The following BEGAIN variants were observed in gnomAD, a reference collection of about 807,000 sequenced individuals.
The protein encoded by BEGAIN is brain enriched guanylate kinase associated, also known as brain-enriched guanylate kinase-associated protein.
Under a neutral mutation model 35.8 loss-of-function variants are expected in BEGAIN, and 19 were observed. That is an observed-to-expected ratio of 0.53 (90% CI 0.37 to 0.78). The LOEUF is 0.78. Among genes scored for constraint, BEGAIN ranks in the 30% least tolerant of loss-of-function variants. BEGAIN has a pLI of 0.00. For missense variants in BEGAIN, 795 were observed against 853.6 expected (o/e 0.93, Z 0.85); for synonymous variants, 462 against 388.6 (o/e 1.19, Z -2.22).
Position 100,577,418 on chromosome 14 carries a change from C to A in BEGAIN, c.43-9479G>T. On this transcript the variant is annotated intron_variant, in intron 1 of 6. Coordinates refer to ENST00000554140, the MANE Select transcript of BEGAIN (RefSeq NM_001385089.1). ...TGGCCTGGCCCCACTCTGCTTGCAG[C>A]CTCAGTGGCCGCCTCCGAAGAAAGC... 10 of 399,418 alleles carry A rather than the reference C, an allele frequency of 2.5e-5. 1 individual carries two copies. The highest frequency in any genetic ancestry group is 4.0e-5 in the Non-Finnish European group (9 of 226,348). 24.7% of individuals were successfully genotyped at this position (399,418 alleles called of 1,614,324 possible). A position where few individuals can be genotyped will look rare whatever the true frequency, so the allele number is the denominator to read the frequency against.
At chr14:100,572,973 C>T (rs1400106102) in intron 1 of BEGAIN, among the ~76,000 whole-genome samples, 4 of 152,006 alleles carry the variant, frequency 2.6e-5, no homozygotes, top group Non-Finnish European at 5.9e-5. Context: ...CTGATATTCT[C>T]ATGCAGGAAG....
chr14:100,543,630 C>T (rs559294324), intron 5 of BEGAIN, among the ~76,000 whole-genome samples: 4 of 152,298 alleles, frequency 2.6e-5, no homozygotes, highest in South Asian at 2.1e-4. Flanking sequence ...ACACCCTTGG[C>T]GTCCTCAATG....
intron 3 of BEGAIN, chr14:100,545,334 G>C (rs185381279): frequency 1.5e-5 from 20 of 1,323,866 alleles, no homozygotes; most frequent in Admixed American, 6.7e-5. Context: ...GGAAGGGAAG[G>C]CTTGTTATTC....
At position 100,568,864 on chromosome 14, in the gene BEGAIN, G is replaced by A; in HGVS notation, c.43-925C>T. On this transcript the variant is annotated intron_variant, in intron 1 of 6. Coordinates refer to ENST00000554140, the MANE Select transcript of BEGAIN (RefSeq NM_001385089.1). The surrounding 1 kb of genome is among the most constrained non-coding windows in gnomAD (Gnocchi z 7.5). ...TGTGCCGTGACTGGCACTCAAGGGGGACAGGGGTCCGAGCTCAGGGACCAC... is the reference window on the plus strand; with the variant it reads ...TGTGCCGTGACTGGCACTCAAGGGGAACAGGGGTCCGAGCTCAGGGACCAC... 1.0e-6 allele frequency: 1 copy of A among 986,194 alleles called. No homozygotes were observed. Among genetic ancestry groups the A allele is most frequent in the Non-Finnish European group, 1.2e-6 (1 of 830,804 alleles). The allele number at this position is 986,194 out of a possible 1,614,324, so 61.1% of individuals were successfully genotyped here.
chr14:100,538,146 A>G lies in BEGAIN; in HGVS notation c.1662T>C (p.Pro554=), dbSNP rs2030864605. 1.3e-6 allele frequency: 2 copies of G among 1,538,334 alleles called. No homozygotes were observed. The highest frequency in any genetic ancestry group is 1.2e-5 in the South Asian group (1 of 80,806). The change falls in exon 7 of 7, where the codon CCT becomes CCC. Residue 554 remains proline (P), a synonymous_variant. Transcript: ENST00000554140. ...AGTCCCTGGAACCCTGCTCGGGCTC[A>G]GGGCTGCTGGCGGTCCCACACAGCT... ...GVQLCGTASS[P]EPEQGSRDSL... is the part of the protein sequence containing the mutation.
Position 100,568,306 on chromosome 14 carries a change from C to CG in BEGAIN, c.43-368_43-367insC. ...CTCTCCGGCGGCCGCGGCCCCGCTG[C>CG]TCCCCCCGCCCCGCCCGTTAACCCT... is the stretch of plus-strand genomic sequence containing the variant. On this transcript the variant is annotated intron_variant, in intron 1 of 6. Transcript: ENST00000554140. This position sits in a 1 kb window ranked among gnomAD's most constrained non-coding sequence, Gnocchi z 7.5. 2 of 766,256 alleles carry CG rather than the reference C, an allele frequency of 2.6e-6. No individual in the cohort carries two copies. Among genetic ancestry groups the CG allele is most frequent in the Non-Finnish European group, 3.7e-6 (2 of 538,686 alleles). The allele number at this position is 766,256 out of a possible 1,614,324, so 47.5% of individuals were successfully genotyped here.
intron 2 of BEGAIN, among the ~76,000 whole-genome samples, chr14:100,564,197 G>C (rs1436714278): frequency 6.6e-6 from 1 of 152,118 alleles, no homozygotes; most frequent in Non-Finnish European, 1.5e-5. Flanking sequence ...TGACACAGGT[G>C]GTGGTCGCCA....
intron 1 of BEGAIN, chr14:100,578,057 C>A: frequency 2.5e-6 from 1 of 398,204 alleles, no homozygotes; most frequent in South Asian, 1.4e-4. Context: ...CTGTGCCTCC[C>A]GTCCTCACAG....
In BEGAIN at chr14:100,542,267, C is replaced by T. The variant is rs559402714; in HGVS notation, c.408+1591G>A. On this transcript the variant is annotated intron_variant, in intron 5 of 6. Transcript: ENST00000554140. ...GCCCTCTGACCTGGTCTCTCAGCAGCTGGCAAGCCAGCCGGCCAGGGCATT... is the reference window on the plus strand; with the variant it reads ...GCCCTCTGACCTGGTCTCTCAGCAGTTGGCAAGCCAGCCGGCCAGGGCATT... Among the ~76,000 whole-genome samples, 3 of 152,262 alleles carry T rather than the reference C, an allele frequency of 2.0e-5. No homozygotes were observed. In the South Asian group the frequency reaches 6.2e-4, roughly 32 times the overall value.
intron 2 of BEGAIN, chr14:100,548,119 T>G (rs1473283478): frequency 1.3e-5 from 2 of 151,924 alleles, no homozygotes; most frequent in African/African-American, 4.8e-5. Context: ...CAAGAGGAAG[T>G]AGAGTAACAA....
chr14:100,576,831 G>A (rs2035213168), intron 1 of BEGAIN, among the ~76,000 whole-genome samples: 1 of 152,218 alleles, frequency 6.6e-6, no homozygotes, highest in African/African-American at 2.4e-5. Context: ...CAGAGTGCAT[G>A]TGTGGACGGG....
In BEGAIN at chr14:100,546,689, G is replaced by A. The variant is rs200413209; in HGVS notation, c.72-27C>T. 4.0e-4 allele frequency: 617 copies of A among 1,538,856 alleles called. 3 individuals carry two copies. The East Asian group carries it at 0.011, about 29-fold the overall frequency. On this transcript the variant is annotated intron_variant, in intron 2 of 6. Coordinates refer to ENST00000554140, the MANE Select transcript of BEGAIN (RefSeq NM_001385089.1). Reference sequence around the variant, plus strand: ...TGCAACGACATGGCGGCGGCGGGCCGGGCCGCGGCGCTGAGCGGGGGAAAC... The same window carrying A: ...TGCAACGACATGGCGGCGGCGGGCCAGGCCGCGGCGCTGAGCGGGGGAAAC...
intron 1 of BEGAIN, among the ~76,000 whole-genome samples, chr14:100,583,632 CTCT>C (rs2035367629): frequency 7.1e-6 from 1 of 141,012 alleles, no homozygotes; most frequent in Non-Finnish European, 1.6e-5. Flanking sequence ...CCCTCTTTCT[CTCT>C]TTCTTTCTTT....
At position 100,573,053 on chromosome 14, in the gene BEGAIN, GAGA is replaced by G. The variant is rs2035119679; in HGVS notation, c.43-5117_43-5115del. Among the ~76,000 whole-genome samples, 1 of 151,946 alleles carries G rather than the reference GAGA, an allele frequency of 6.6e-6. No individual in the cohort carries two copies. The highest frequency in any genetic ancestry group is 6.6e-5 in the Admixed American group (1 of 15,260). ...TATGTCCGACGGGGATATGTGTACA[GAGA>G]AGGATGGGAGGCAGGGTGGGGCAGG... is the stretch of plus-strand genomic sequence containing the variant. On this transcript the variant is annotated intron_variant, in intron 1 of 6. Coordinates refer to ENST00000554140, the MANE Select transcript of BEGAIN (RefSeq NM_001385089.1). The surrounding 1 kb of genome is among the most constrained non-coding windows in gnomAD (Gnocchi z 4.2).
chr14:100,538,881 G>A lies in BEGAIN; in HGVS notation c.927C>T (p.Tyr309=), dbSNP rs372784345. The A allele has an allele frequency of 2.5e-6, 4 of 1,607,916 alleles. No homozygotes were observed. The highest frequency in any genetic ancestry group is 3.4e-6 in the Non-Finnish European group (4 of 1,178,498). ...AGFQHEAFPS[Y]AGSLPTSSSY... ...AGCTGGACGTGGGCAGTGAGCCTGC[G>A]TAGCTGGGGAAGGCCTCATGCTGGA... The change falls in exon 7 of 7, where the codon TAC becomes TAT. Residue 309 remains tyrosine (Y), a synonymous_variant. Coordinates refer to ENST00000554140, the MANE Select transcript of BEGAIN (RefSeq NM_001385089.1).
At chr14:100,557,794 C>T (rs796463077) in intron 2 of BEGAIN, among the ~76,000 whole-genome samples, 44 of 152,262 alleles carry the variant, frequency 2.9e-4, no homozygotes, top group African/African-American at 1.0e-3. Context: ...ATGCCTTCCC[C>T]TCCTGCCTCC....
chr14:100,581,827 G>A (rs914625770), intron 1 of BEGAIN, among the ~76,000 whole-genome samples: 5 of 152,270 alleles, frequency 3.3e-5, no homozygotes, highest in Admixed American at 6.5e-5. Flanking sequence ...AGGGGCATGA[G>A]GCTGCCCACT....
chr14:100,550,018 C>T (rs1273718154), intron 2 of BEGAIN: 1 of 158,746 alleles, frequency 6.3e-6, no homozygotes, highest in African/African-American at 2.4e-5. Context: ...GTGAGTTACA[C>T]CAGAATCTGG....
intron 2 of BEGAIN, chr14:100,548,454 AG>A (rs1231717511): frequency 1.3e-5 from 2 of 152,306 alleles, no homozygotes; most frequent in African/African-American, 4.8e-5. Flanking sequence ...GGAAGAGGTG[AG>A]GGCGTCATCC....
Sources: allele counts gnomAD v4.1 joint callset (sites outside exome capture counted in the v4.1 genomes callset), GRCh38; gene constraint gnomAD v4.1.1; non-coding constraint Gnocchi (gnomAD v3.1); transcripts MANE v1.5; gene names NCBI Gene and HGNC (gene_info 2026-07-23, HGNC 2026-07-21).